PRTFDC1: variants seen among roughly 807,000 people sequenced by gnomAD.
The protein encoded by PRTFDC1 is phosphoribosyltransferase domain-containing protein 1.
Under a neutral mutation model 34.6 loss-of-function variants are expected in PRTFDC1, and 38 were observed. The observed-to-expected ratio is 1.10, with a 90% CI of 0.85 to 1.44. The LOEUF (loss-of-function observed/expected upper bound fraction) is 1.44, where lower values mean the gene tolerates loss of function less well. Ranked by LOEUF, PRTFDC1 falls within the 40% of genes most tolerant of loss-of-function variation. The pLI, the probability that PRTFDC1 is intolerant of heterozygous loss-of-function variation, is 0.00. For synonymous variants in PRTFDC1, 93 were observed against 98.1 expected (o/e 0.95, Z 0.31); for missense variants, 270 against 283.0 (o/e 0.95, Z 0.33).
chr10:24,892,763 A>T (rs1458243113), intron 3 of PRTFDC1, among the ~76,000 whole-genome samples: 1 of 152,104 alleles, frequency 6.6e-6, no homozygotes. Context: ...AGTGGCAATG[A>T]AGTCAGTATT....
In PRTFDC1 at chr10:24,860,303, A is replaced by C. The variant is rs377228384; in HGVS notation, c.406-1894T>G. Among the ~76,000 whole-genome samples, 453 of 152,024 alleles carry C rather than the reference A, an allele frequency of 3.0e-3. 5 individuals carry two copies. Among genetic ancestry groups the C allele is most frequent in the African/African-American group, 0.011 (436 of 41,480 alleles). ...GGCTGAGGCGGGAGAATCACTTGAA[A>C]CCGGGAGGCGGAGGTTGCAGTGAAC... On this transcript the variant is annotated intron_variant, in intron 4 of 8. Transcript: ENST00000320152.
chr10:24,945,456 T>A (rs1171608832), intron 1 of PRTFDC1, among the ~76,000 whole-genome samples: 3 of 152,122 alleles, frequency 2.0e-5, no homozygotes, highest in Admixed American at 1.3e-4. Flanking sequence ...GTGTATATCA[T>A]CTATGTTATT....
chr10:24,934,214 A>AAAG (rs57514580), intron 3 of PRTFDC1, among the ~76,000 whole-genome samples: 4,313 of 146,638 alleles, frequency 0.029, 96 homozygotes, highest in East Asian at 0.068. Context: ...TACTGGACAC[A>AAAG]AAGAAGAAGA....
Position 24,872,024 on chromosome 10 carries a change from C to T in PRTFDC1, c.379G>A (p.Asp127Asn). 2.5e-6 allele frequency: 4 copies of T among 1,612,232 alleles called. No homozygotes were observed. The highest frequency in any genetic ancestry group is 2.2e-5 in the East Asian group (1 of 44,844). The change falls in exon 4 of 9, where the codon GAT (aspartate) becomes AAT (asparagine). Residue 127 changes from aspartate (D) to asparagine (N), a missense_variant. By Grantham distance (23) the Asp-to-Asn change is conservative (BLOSUM62 1). Transcript: ENST00000320152. Reference protein sequence around the residue: ...SMGEMQIIGGDDLSTLAGKNV... With the variant: ...SMGEMQIIGGNDLSTLAGKNV... ...TTTCCAGCCAGCGTTGAAAGATCAT[C>T]GCCTCCGATTATCTGCATCTCACCC...
At chr10:24,868,124 G>A (rs1257268847) in intron 4 of PRTFDC1, 1 of 152,158 alleles carries the variant, frequency 6.6e-6, no homozygotes, top group Non-Finnish European at 1.5e-5. Context: ...TATTTGGAGG[G>A]AATGATCGTT....
At chr10:24,912,147 C>G (rs1384537695) in intron 3 of PRTFDC1, among the ~76,000 whole-genome samples, 1 of 148,374 alleles carries the variant, frequency 6.7e-6, no homozygotes, top group African/African-American at 2.5e-5. Flanking sequence ...TGCATGCTTG[C>G]AATCCCAGCT....
intron 4 of PRTFDC1, among the ~76,000 whole-genome samples, chr10:24,868,627 T>A (rs1169446313): frequency 6.6e-6 from 1 of 152,166 alleles, no homozygotes; most frequent in Non-Finnish European, 1.5e-5. Context: ...AATTAAATTT[T>A]AAATTTCTTT....
At chr10:24,928,322 C>G (rs951894422) in intron 3 of PRTFDC1, among the ~76,000 whole-genome samples, 2 of 152,112 alleles carry the variant, frequency 1.3e-5, no homozygotes, top group Non-Finnish European at 2.9e-5. Context: ...CTGGCACCCC[C>G]CCACAACTGA....
At chr10:24,928,971 C>T (rs1343072738) in intron 3 of PRTFDC1, among the ~76,000 whole-genome samples, 2 of 146,718 alleles carry the variant, frequency 1.4e-5, no homozygotes, top group South Asian at 2.1e-4. Flanking sequence ...ACCCAGGAGG[C>T]GGAGCTTGCA....
intron 1 of PRTFDC1, chr10:24,951,615 G>A: frequency 3.0e-6 from 3 of 985,384 alleles, no homozygotes; most frequent in Non-Finnish European, 3.6e-6. Flanking sequence ...TCCCTGGAAA[G>A]AGATGGCAAG....
chr10:24,900,280 G>A (rs1487109541), intron 3 of PRTFDC1, among the ~76,000 whole-genome samples: 1 of 152,218 alleles, frequency 6.6e-6, no homozygotes, highest in Non-Finnish European at 1.5e-5. Context: ...GTGAGAAACG[G>A]AACATTGCCC....
chr10:24,858,254 TATTCATTA>T, intron 5 of PRTFDC1, 130 bp downstream of exon 5: 2 of 818,794 alleles, frequency 2.4e-6, no homozygotes, highest in Non-Finnish European at 2.0e-6. Flanking sequence ...ATCTGGCCCC[TATTCATTA>T]AATTTGGAGA....
At chr10:24,882,081 CT>C (rs1848087825) in intron 3 of PRTFDC1, among the ~76,000 whole-genome samples, 1 of 151,382 alleles carries the variant, frequency 6.6e-6, no homozygotes, top group Non-Finnish European at 1.5e-5. Flanking sequence ...GTGGCACGCA[CT>C]TGTAATCCCA....
At chr10:24,949,753 T>A (rs1222410765) in intron 1 of PRTFDC1, among the ~76,000 whole-genome samples, 1 of 145,518 alleles carries the variant, frequency 6.9e-6, no homozygotes, top group African/African-American at 2.5e-5. Flanking sequence ...TTTTTTTTTT[T>A]TTTAAGAAGG....
intron 3 of PRTFDC1, among the ~76,000 whole-genome samples, chr10:24,909,624 T>G (rs1431369860): frequency 6.6e-6 from 1 of 152,186 alleles, no homozygotes; most frequent in African/African-American, 2.4e-5. Context: ...AAAATCCCCT[T>G]GTTCGAATAG....
chr10:24,898,305 A>C (rs932631339), intron 3 of PRTFDC1, among the ~76,000 whole-genome samples: 10 of 150,640 alleles, frequency 6.6e-5, no homozygotes, highest in African/African-American at 2.2e-4. Context: ...AAAAAAAAAA[A>C]ACACAAAAAT....
intron 3 of PRTFDC1, among the ~76,000 whole-genome samples, chr10:24,914,098 G>A (rs893620903): frequency 6.6e-6 from 1 of 152,120 alleles, no homozygotes; most frequent in Non-Finnish European, 1.5e-5. Flanking sequence ...AAGTTTCACA[G>A]TCAAATCAGA....
At chr10:24,928,980 C>T (rs1426697881) in intron 3 of PRTFDC1, among the ~76,000 whole-genome samples, 2 of 146,072 alleles carry the variant, frequency 1.4e-5, no homozygotes, top group Admixed American at 7.0e-5. Context: ...GCGGAGCTTG[C>T]AGTGAGTCGA....
At chr10:24,873,900 T>G (rs996334180) in intron 3 of PRTFDC1, among the ~76,000 whole-genome samples, 3 of 151,240 alleles carry the variant, frequency 2.0e-5, no homozygotes, top group Non-Finnish European at 2.9e-5. Flanking sequence ...GACCTTATAA[T>G]TTTTTACCTT....
Sources: gnomAD v4.1 joint callset for allele counts (sites outside exome capture counted in the v4.1 genomes callset) on GRCh38, gnomAD v4.1.1 for gene constraint, MANE v1.5 for transcripts, NCBI Gene and HGNC (gene_info 2026-07-23, HGNC 2026-07-21) for gene names.